Variants in RPTOR observed in about 807,000 individuals in gnomAD.
RPTOR encodes the protein regulatory associated protein of MTOR complex 1, also known as regulatory-associated protein of mTOR.
Under a neutral mutation model 169.9 loss-of-function variants are expected in RPTOR, and 21 were observed. The observed-to-expected ratio is 0.12, with a 90% CI of 0.09 to 0.18. RPTOR has a LOEUF of 0.18. RPTOR is among the 10% of genes least tolerant of loss of function. RPTOR has a pLI of 1.00. For synonymous variants in RPTOR, 732 were observed against 753.2 expected, an observed-to-expected ratio of 0.97 and a Z score of 0.46; for missense variants, 1,133 against 1,855.9, an observed-to-expected ratio of 0.61 and a Z score of 7.16.
rs1042349452 is a variant in RPTOR at position 80,892,759 on chromosome 17, G to A, written c.2132G>A (p.Ser711Asn). The A allele has an allele frequency of 3.7e-6, 6 of 1,614,152 alleles. No individual in the cohort carries two copies. The Admixed American group carries it at 5.0e-5, about 13-fold the overall frequency. Residue 711 changes from serine (S) to asparagine (N), a missense_variant, in exon 19 of 34, where the codon AGC becomes AAC. Ser to Asn is a conservative substitution (Grantham distance 46, BLOSUM62 1). Around this residue, in one of 9 missense-constraint regions of RPTOR, gnomAD observed 150 missense variants for 206.4 expected, o/e 0.73. Coordinates refer to ENST00000306801, the MANE Select transcript of RPTOR (RefSeq NM_020761.3). Reference protein sequence around the residue: ...EGGSLTPVRDSPCTPRLRSVS... With the variant: ...EGGSLTPVRDNPCTPRLRSVS... ...GGGAGTTTGACCCCAGTGCGAGACA[G>A]CCCGTGCACCCCCAGACTTCGTTCT...
In RPTOR at chr17:80,957,480, G is replaced by A. The variant is rs989149082; in HGVS notation, c.3371-144G>A. 162 of 719,898 alleles carry A rather than the reference G, an allele frequency of 2.3e-4. No individual in the cohort carries two copies. Among genetic ancestry groups the A allele is most frequent in the Admixed American group, 1.7e-4 (8 of 48,060 alleles). 44.6% of individuals were successfully genotyped at this position (719,898 alleles called of 1,614,324 possible). A position where few individuals can be genotyped will look rare whatever the true frequency, so the allele number is the denominator to read the frequency against. On this transcript the variant is annotated intron_variant, in intron 28 of 33. Transcript: ENST00000306801. This position sits in a 1 kb window ranked among gnomAD's most constrained non-coding sequence, Gnocchi z 4.6. ...CAGGGTCCCTAGCGGGAGCTCATATGAGGCATATGGACCCACCAGATGGGC... is the reference window on the plus strand; with the variant it reads ...CAGGGTCCCTAGCGGGAGCTCATATAAGGCATATGGACCCACCAGATGGGC...
At chr17:80,890,989 A>G (rs2068315480) in intron 17 of RPTOR, among the ~76,000 whole-genome samples, 2 of 149,656 alleles carry the variant, frequency 1.3e-5, no homozygotes, top group African/African-American at 4.9e-5. Context: ...TTCTTTTCAG[A>G]AAAAAAAAAG....
chr17:80,871,276 T>G (rs557563190), intron 13 of RPTOR, among the ~76,000 whole-genome samples: 2 of 152,242 alleles, frequency 1.3e-5, no homozygotes, highest in East Asian at 3.9e-4. Flanking sequence ...CGGCTAATTT[T>G]TTTGTATTTT....
intron 6 of RPTOR, among the ~76,000 whole-genome samples, chr17:80,762,324 C>T (rs907371929): frequency 2.6e-5 from 4 of 152,118 alleles, no homozygotes; most frequent in Admixed American, 6.5e-5. Flanking sequence ...GCAGCACAGC[C>T]GGAGACTTTG....
At chr17:80,642,115 G>C (rs1455571994) in intron 2 of RPTOR, among the ~76,000 whole-genome samples, 1 of 152,136 alleles carries the variant, frequency 6.6e-6, no homozygotes, top group African/African-American at 2.4e-5. Flanking sequence ...ACCACTATGA[G>C]CCTGGCAACT....
In RPTOR at chr17:80,638,410, TC is replaced by T. The variant is rs1245735143; in HGVS notation, c.266-5317del. On this transcript the variant is annotated intron_variant, in intron 2 of 33. Coordinates refer to ENST00000306801, the MANE Select transcript of RPTOR (RefSeq NM_020761.3). ...AAAATGCTGTTTTCTTTTCTTCCTT[TC>T]TTTTTTTTTTTTTTTTTTGAGACGG... Among the ~76,000 whole-genome samples the T allele has an allele frequency of 9.4e-4, 120 of 127,328 alleles. 1 individual carries two copies. The highest frequency in any genetic ancestry group is 3.9e-3 in the Middle Eastern group (1 of 258). 83.5% of individuals were successfully genotyped at this position (127,328 alleles called of 152,430 possible).
At chr17:80,963,750 GCGGCCCTCACCCCGTCCCCTC>G (rs2069381371) in intron 33 of RPTOR, among the ~76,000 whole-genome samples, 9 of 94,622 alleles carry the variant, frequency 9.5e-5, no homozygotes, top group African/African-American at 3.6e-4. Context: ...CGTCCCCTCT[GCGGCCCTCACCCCGTCCCCTC>G]TGCGGCCCTC....
intron 7 of RPTOR, among the ~76,000 whole-genome samples, chr17:80,817,290 G>A (rs1212266594): frequency 1.3e-5 from 2 of 152,192 alleles, no homozygotes; most frequent in East Asian, 3.9e-4. Context: ...GCCTGGAAGT[G>A]AAGGAAAAGG....
Position 80,633,080 on chromosome 17 carries a change from G to C in RPTOR, c.265+7287G>C, listed in dbSNP as rs1210099024. Among the ~76,000 whole-genome samples, 1 of 152,120 alleles carries C rather than the reference G, an allele frequency of 6.6e-6. No individual in the cohort carries two copies. Among genetic ancestry groups the C allele is most frequent in the African/African-American group, 2.4e-5 (1 of 41,396 alleles). ...CTTAAAGTGTTGAAATGACCGGCAT[G>C]AGCTACCACACTAGGCCCATTTTTC... On this transcript the variant is annotated intron_variant, in intron 2 of 33. Coordinates refer to ENST00000306801, the MANE Select transcript of RPTOR (RefSeq NM_020761.3). The surrounding 1 kb of genome is among the most constrained non-coding windows in gnomAD (Gnocchi z 4.1).
At chr17:80,696,600 G>A (rs1393225791) in intron 3 of RPTOR, among the ~76,000 whole-genome samples, 1 of 152,224 alleles carries the variant, frequency 6.6e-6, no homozygotes, top group East Asian at 1.9e-4. Flanking sequence ...GGCCTCCCGG[G>A]GCAAGGCCGG....
Position 80,659,102 on chromosome 17 carries a change from C to T in RPTOR, c.348+15292C>T, listed in dbSNP as rs2065701230. Among the ~76,000 whole-genome samples, 1 of 152,124 alleles carries T rather than the reference C, an allele frequency of 6.6e-6. No homozygotes were observed. On this transcript the variant is annotated intron_variant, in intron 3 of 33. Coordinates refer to ENST00000306801, the MANE Select transcript of RPTOR (RefSeq NM_020761.3). This position sits in a 1 kb window ranked among gnomAD's most constrained non-coding sequence, Gnocchi z 4.3. Reference sequence around the variant, plus strand: ...TCACCCGTGGAGGGAATCTGAGTCCCGATTGTGGAATGGTGGTGGCAGCAT... The same window carrying T: ...TCACCCGTGGAGGGAATCTGAGTCCTGATTGTGGAATGGTGGTGGCAGCAT...
rs911568157 is a variant in RPTOR at position 80,947,111 on chromosome 17, C to A, written c.3141-116C>A. The A allele has an allele frequency of 7.6e-6, 8 of 1,051,260 alleles. No individual in the cohort carries two copies. Among genetic ancestry groups the A allele is most frequent in the Non-Finnish European group, 1.0e-5 (8 of 762,154 alleles). 65.1% of individuals were successfully genotyped at this position (1,051,260 alleles called of 1,614,324 possible). ...GGATGACAGGTGTGAGCCGCCGTGCCCGGCTGTGGTGTGTGGTTTTTTGAT... is the reference window on the plus strand; with the variant it reads ...GGATGACAGGTGTGAGCCGCCGTGCACGGCTGTGGTGTGTGGTTTTTTGAT... On this transcript the variant is annotated intron_variant, in intron 26 of 33. Transcript: ENST00000306801. This position sits in a 1 kb window ranked among gnomAD's most constrained non-coding sequence, Gnocchi z 4.4.
chr17:80,755,763 C>CA (rs1173558398), intron 6 of RPTOR, among the ~76,000 whole-genome samples: 1 of 130,818 alleles, frequency 7.6e-6, no homozygotes, highest in East Asian at 2.3e-4. Context: ...AAAAAAGAAA[C>CA]AAAAAAAGAG....
chr17:80,630,190 A>G (rs2065431504), intron 2 of RPTOR, among the ~76,000 whole-genome samples: 1 of 152,148 alleles, frequency 6.6e-6, no homozygotes, highest in African/African-American at 2.4e-5. Flanking sequence ...TTCCTTTATC[A>G]TCTCTTGACT....
chr17:80,634,087 TGTGTGTGCATATTGTGTGC>T (rs1254676552), intron 2 of RPTOR, among the ~76,000 whole-genome samples: 28 of 151,268 alleles, frequency 1.9e-4, no homozygotes, highest in Non-Finnish European at 3.7e-4. Context: ...GTGCATACTG[TGTGTGTGCATATTGTGTGC>T]GTGTGTGCAT....
intron 22 of RPTOR, 42 bp downstream of exon 22, chr17:80,922,869 C>CG (rs2068762821): frequency 6.7e-7 from 1 of 1,494,840 alleles, no homozygotes; most frequent in African/African-American, 1.4e-5. Flanking sequence ...TGGTGGTGAC[C>CG]GGGGCCCCAC....
intron 17 of RPTOR, among the ~76,000 whole-genome samples, chr17:80,888,353 T>C (rs564620938): frequency 6.6e-6 from 1 of 152,282 alleles, no homozygotes; most frequent in East Asian, 1.9e-4. Flanking sequence ...TGGGCTCAAG[T>C]GATCCACTCT....
intron 6 of RPTOR, among the ~76,000 whole-genome samples, chr17:80,789,032 T>A (rs535335572): frequency 6.6e-6 from 1 of 152,372 alleles, no homozygotes; most frequent in South Asian, 2.1e-4. Context: ...CTTATTCATA[T>A]AGCCATGCTA....
intron 1 of RPTOR, among the ~76,000 whole-genome samples, chr17:80,550,805 G>A (rs2084335075): frequency 6.6e-6 from 1 of 152,162 alleles, no homozygotes; most frequent in Non-Finnish European, 1.5e-5. Context: ...ACCGTCTCTT[G>A]TCTGGACACT....
Sources: allele counts gnomAD v4.1 joint callset (sites outside exome capture counted in the v4.1 genomes callset), GRCh38; gene constraint gnomAD v4.1.1; regional missense constraint gnomAD v4.1.1; non-coding constraint Gnocchi (gnomAD v3.1); transcripts MANE v1.5; gene names NCBI Gene and HGNC (gene_info 2026-07-23, HGNC 2026-07-21).